The following LYG1 variants were observed in gnomAD, a reference collection of about 807,000 sequenced individuals.
LYG1 encodes lysozyme g1.
A neutral mutation model predicts 21.7 loss-of-function variants in LYG1; 17 were observed. That is an observed-to-expected ratio of 0.78 (90% CI 0.54 to 1.18). LYG1 has a LOEUF of 1.18. LYG1 is among the 50% of genes most tolerant of loss of function. LYG1 has a pLI of 0.00. For missense variants in LYG1, 211 were observed against 238.1 expected (o/e 0.89, Z 0.75); for synonymous variants, 81 against 87.4 (o/e 0.93, Z 0.41).
At chr2:99,302,881 G>A (rs768938093), upstream of LYG1, among the ~76,000 whole-genome samples, 9 of 152,054 alleles carry the variant, frequency 5.9e-5, no homozygotes, top group Non-Finnish European at 1.2e-4. Flanking sequence ...ATCCAGGCAT[G>A]GTGGCACACA....
At chr2:99,288,070 G>C (rs1257103564) in intron 5 of LYG1, among the ~76,000 whole-genome samples, 2 of 152,056 alleles carry the variant, frequency 1.3e-5, no homozygotes, top group Non-Finnish European at 2.9e-5. Flanking sequence ...AATCAAGAGA[G>C]ATGTGTTGAA....
At chr2:99,302,673 T>C (rs1170442454), upstream of LYG1, among the ~76,000 whole-genome samples, 1 of 152,116 alleles carries the variant, frequency 6.6e-6, no homozygotes, top group African/African-American at 2.4e-5. Flanking sequence ...ATTTATGACT[T>C]TTTGGAAGTC....
At chr2:99,302,410 C>T (rs143944008), upstream of LYG1, among the ~76,000 whole-genome samples, 1,652 of 152,284 alleles carry the variant, frequency 0.011, 8 homozygotes, top group Middle Eastern at 0.024. Flanking sequence ...TTGAATCAGT[C>T]AATGACTGAA....
intron 5 of LYG1, 50 bp from the exon 6 acceptor site, chr2:99,284,870 G>C (rs766138172): frequency 9.0e-5 from 145 of 1,602,688 alleles, no homozygotes; most frequent in Non-Finnish European, 1.1e-4. Context: ...GTGGGAGGGT[G>C]ATCCGGCTTA....
chr2:99,292,826 T>C (rs1358771377), intron 3 of LYG1, among the ~76,000 whole-genome samples, 186 bp from the exon 4 acceptor site: 1 of 152,076 alleles, frequency 6.6e-6, no homozygotes, highest in Non-Finnish European at 1.5e-5. Flanking sequence ...ACTTCCTCAA[T>C]ACCAAATTCT....
chr2:99,294,427 T>C (rs1025260518), intron 3 of LYG1, among the ~76,000 whole-genome samples: 87 of 152,204 alleles, frequency 5.7e-4, no homozygotes, highest in African/African-American at 2.0e-3. Flanking sequence ...CTTTACAAAC[T>C]TGTGATAAGT....
chr2:99,299,493 G>T (rs1295876297), intron 1 of LYG1, among the ~76,000 whole-genome samples: 4 of 149,278 alleles, frequency 2.7e-5, no homozygotes, highest in African/African-American at 9.9e-5. Flanking sequence ...CTGTGATCTC[G>T]GCTCACTGCA....
At chr2:99,292,084 C>T (rs1432977668) in intron 4 of LYG1, among the ~76,000 whole-genome samples, 3 of 151,988 alleles carry the variant, frequency 2.0e-5, no homozygotes, top group East Asian at 3.9e-4. Context: ...GTCAGGAGTT[C>T]GAGACCAGCC....
chr2:99,298,761 C>T (rs1051382803), intron 1 of LYG1, among the ~76,000 whole-genome samples: 1 of 152,150 alleles, frequency 6.6e-6, no homozygotes, highest in African/African-American at 2.4e-5. Flanking sequence ...CCTGAGAGAA[C>T]TGAGAACTCC....
chr2:99,291,123 G>T, intron 5 of LYG1, 114 bp downstream of exon 5: 1 of 991,486 alleles, frequency 1.0e-6, no homozygotes, highest in Non-Finnish European at 1.5e-6. Flanking sequence ...CACTGTCACA[G>T]CTCTAGAGAC....
intron 1 of LYG1, among the ~76,000 whole-genome samples, chr2:99,299,175 C>A (rs890951661): frequency 6.6e-6 from 1 of 152,068 alleles, no homozygotes; most frequent in Admixed American, 6.5e-5. Context: ...GATCCACCCA[C>A]CTCAGCCTCC....
In LYG1 at chr2:99,284,411, G is replaced by C; in HGVS notation, c.567C>G (p.Leu189=). The C allele has an allele frequency of 1.2e-6, 2 of 1,614,034 alleles. No homozygotes were observed. The highest frequency in any genetic ancestry group is 1.3e-5 in the African/African-American group (1 of 75,030). The change falls in exon 7 of 7, where the codon CTC becomes CTG. Residue 189 remains leucine, a synonymous_variant. Coordinates refer to ENST00000308528, the MANE Select transcript of LYG1 (RefSeq NM_174898.3). ...CNDVLARAKY[L]KRHGF ...TGAGATGTTAGAAGCCATGTCTCTT[G>C]AGGTACTTGGCTCGTGCAAGGACAT...
At chr2:99,301,738 TAC>T (rs753492363), upstream of LYG1, among the ~76,000 whole-genome samples, 14 of 150,606 alleles carry the variant, frequency 9.3e-5, no homozygotes, top group Non-Finnish European at 2.1e-4. Context: ...CTTTCTTTAC[TAC>T]ACAGGTGGTG....
At chr2:99,291,165 C>A in intron 5 of LYG1, 72 bp downstream of exon 5, 1 of 1,451,194 alleles carries the variant, frequency 6.9e-7, no homozygotes, top group Non-Finnish European at 9.5e-7. Flanking sequence ...TGAAGCTTTG[C>A]CATCATCCAA....
intron 2 of LYG1, 83 bp downstream of exon 2, chr2:99,298,376 A>G (rs1239916866): frequency 6.6e-6 from 1 of 152,290 alleles, no homozygotes; most frequent in African/African-American, 2.4e-5. Flanking sequence ...TGCCAGGCAC[A>G]CTGGAAACTG....
chr2:99,295,135 A>C (rs1482765729), intron 3 of LYG1, among the ~76,000 whole-genome samples: 1 of 152,098 alleles, frequency 6.6e-6, no homozygotes, highest in Non-Finnish European at 1.5e-5. Flanking sequence ...ACCAACAAAA[A>C]CAAGTACTTT....
intron 5 of LYG1, among the ~76,000 whole-genome samples, chr2:99,286,251 T>C (rs1005437772): frequency 1.6e-4 from 24 of 152,312 alleles, no homozygotes; most frequent in Admixed American, 9.2e-4. Context: ...AAATTACCCA[T>C]ATTTAGGTAT....
intron 5 of LYG1, among the ~76,000 whole-genome samples, chr2:99,289,568 C>G (rs540669211): frequency 9.2e-5 from 14 of 152,210 alleles, no homozygotes; most frequent in African/African-American, 3.4e-4. Context: ...AAGGGATGAG[C>G]AGACCTTTCA....
At chr2:99,303,204 A>T (rs1408384065), upstream of LYG1, among the ~76,000 whole-genome samples, 1 of 151,916 alleles carries the variant, frequency 6.6e-6, no homozygotes, top group African/African-American at 2.4e-5. Flanking sequence ...TAAAAAGAGA[A>T]CTAATGCACC....
Sources: allele counts gnomAD v4.1 joint callset (sites outside exome capture counted in the v4.1 genomes callset), GRCh38; gene constraint gnomAD v4.1.1; transcripts MANE v1.5; gene names NCBI Gene and HGNC (gene_info 2026-07-23, HGNC 2026-07-21).